Variants in GULP1 observed in about 807,000 individuals in gnomAD.
GULP1 encodes PTB domain-containing engulfment adapter protein 1.
GULP1 carries 19 observed loss-of-function variants against 40.9 expected under a neutral mutation model. That is an observed-to-expected ratio of 0.46 (90% CI 0.32 to 0.68). The LOEUF (loss-of-function observed/expected upper bound fraction) is 0.68. GULP1 is among the 30% of genes least tolerant of loss of function. GULP1 has a pLI of 0.03. For missense variants in GULP1, 312 were observed against 362.2 expected (o/e 0.86, Z 1.12); for synonymous variants, 119 against 117.6 (o/e 1.01, Z -0.08).
rs1421562441 is a variant in GULP1, at chr2:188,507,475, A to G, written c.91-15281A>G. ...CAAACATAATTTTGAAATTTGTACT[A>G]GGTTAGCCCTGAAATGAGATGGAAT... is the stretch of plus-strand genomic sequence containing the variant. On this transcript the variant is annotated intron_variant, in intron 4 of 11. Transcript: ENST00000409830. Among the ~76,000 whole-genome samples, 12 of 146,734 alleles carry G rather than the reference A, an allele frequency of 8.2e-5. No homozygotes were observed. The East Asian group carries it at 2.2e-3, about 27-fold the overall frequency.
intron 6 of GULP1, among the ~76,000 whole-genome samples, chr2:188,538,364 G>C (rs182879769): frequency 2.0e-5 from 3 of 151,972 alleles, no homozygotes; most frequent in African/African-American, 4.8e-5. Context: ...TCTATTCCCA[G>C]AAGTGAGTTT....
chr2:188,454,130 G>C (rs918759314), intron 2 of GULP1, among the ~76,000 whole-genome samples: 1 of 152,156 alleles, frequency 6.6e-6, no homozygotes, highest in African/African-American at 2.4e-5. Flanking sequence ...CCCCTGTTTG[G>C]CTGCTCCCAA....
chr2:188,469,111 G>A (rs1356091195), intron 2 of GULP1, among the ~76,000 whole-genome samples: 3 of 152,154 alleles, frequency 2.0e-5, no homozygotes, highest in East Asian at 1.9e-4. Flanking sequence ...AGGGGCCTAC[G>A]GGAAGGCGTA....
intron 2 of GULP1, among the ~76,000 whole-genome samples, chr2:188,437,852 T>G (rs2057555151): frequency 6.6e-6 from 1 of 152,060 alleles, no homozygotes; most frequent in Non-Finnish European, 1.5e-5. Context: ...TATTCTCACT[T>G]ATAAGTAGAA....
At chr2:188,524,318 T>C (rs535819658) in intron 5 of GULP1, among the ~76,000 whole-genome samples, 6 of 152,282 alleles carry the variant, frequency 3.9e-5, no homozygotes, top group Non-Finnish European at 8.8e-5. Context: ...TGCAGGATTT[T>C]GTATGTATTT....
rs571924120 is a variant in GULP1 at position 188,569,370 on chromosome 2, C to T, written c.516+15C>T. On this transcript the variant is annotated intron_variant, in intron 8 of 11. Transcript: ENST00000409830. ...TACAAAAAAGAGTGAGTAAACTAAG[C>T]TTGTTGTTTTACATTTGTGTGATGT... 3 of 1,213,934 alleles carry T rather than the reference C, an allele frequency of 2.5e-6. No homozygotes were observed. The African/African-American group carries it at 4.5e-5, about 18-fold the overall frequency. 75.2% of individuals were successfully genotyped at this position (1,213,934 alleles called of 1,614,324 possible). A position where few individuals can be genotyped will look rare whatever the true frequency, so the allele number is the denominator to read the frequency against.
At chr2:188,526,699 T>C (rs187968612) in intron 5 of GULP1, among the ~76,000 whole-genome samples, 1 of 152,234 alleles carries the variant, frequency 6.6e-6, no homozygotes, top group Non-Finnish European at 1.5e-5. Flanking sequence ...TGTTCAAAAA[T>C]CAAGGCCAAT....
At chr2:188,477,882 A>G (rs1174347101) in intron 3 of GULP1, 152 bp downstream of exon 3, 1 of 605,936 alleles carries the variant, frequency 1.7e-6, no homozygotes. Flanking sequence ...AAACGTTGCT[A>G]ATTAGCTTTC....
At position 188,594,075 on chromosome 2, in the gene GULP1, A is replaced by T; in HGVS notation, c.*64A>T. 1 of 861,994 alleles carries T rather than the reference A, an allele frequency of 1.2e-6. No homozygotes were observed. 53.4% of individuals were successfully genotyped at this position (861,994 alleles called of 1,614,324 possible). The stretch of plus-strand genomic sequence containing the variant: ...TTGTATACACATGTCATTTATTATT[A>T]TTACTTTAAGATAGGTATTATTCAT... On this transcript the variant is annotated 3_prime_UTR_variant, in exon 12 of 12. Coordinates refer to ENST00000409830, the MANE Select transcript of GULP1 (RefSeq NM_016315.4).
rs187456925 is a variant in GULP1 at position 188,553,327 on chromosome 2, A to G, written c.399+12009A>G. ...ACATTAAGTGTGGATTTGTTATTTT[A>G]TGGTATGTTTCTTCTGTGCCTGGTT... is the stretch of plus-strand genomic sequence containing the variant. On this transcript the variant is annotated intron_variant, in intron 7 of 11. Coordinates refer to ENST00000409830, the MANE Select transcript of GULP1 (RefSeq NM_016315.4). Among the ~76,000 whole-genome samples, 208 of 151,694 alleles carry G rather than the reference A, an allele frequency of 1.4e-3. 1 individual carries two copies. Among genetic ancestry groups the G allele is most frequent in the Non-Finnish European group, 1.9e-3 (127 of 67,618 alleles).
At chr2:188,389,856 C>T (rs373588435) in intron 2 of GULP1, among the ~76,000 whole-genome samples, 2 of 151,988 alleles carry the variant, frequency 1.3e-5, no homozygotes, top group African/African-American at 4.8e-5. Context: ...CTTAGCCAAG[C>T]GAGAACATGT....
At chr2:188,566,794 CAAAAAA>C (rs11350294) in intron 7 of GULP1, among the ~76,000 whole-genome samples, 3 of 26,912 alleles carry the variant, frequency 1.1e-4, no homozygotes, top group Admixed American at 6.0e-4. Context: ...GACTCCATCT[CAAAAAA>C]AAAAAAAAAA....
At chr2:188,499,112 T>C (rs2063173257) in intron 4 of GULP1, among the ~76,000 whole-genome samples, 1 of 137,604 alleles carries the variant, frequency 7.3e-6, no homozygotes, top group Admixed American at 8.0e-5. Flanking sequence ...TATATACATA[T>C]ACAAATGCAC....
intron 4 of GULP1, among the ~76,000 whole-genome samples, chr2:188,511,919 G>C (rs1434897963): frequency 1.3e-5 from 2 of 152,014 alleles, no homozygotes; most frequent in Non-Finnish European, 2.9e-5. Context: ...ATAACCTTTT[G>C]TTGGTGTATC....
intron 6 of GULP1, among the ~76,000 whole-genome samples, chr2:188,533,975 A>G (rs1688240902): frequency 6.6e-6 from 1 of 152,196 alleles, no homozygotes; most frequent in Non-Finnish European, 1.5e-5. Flanking sequence ...AAAGTTCAAA[A>G]ATAACAGATG....
intron 9 of GULP1, among the ~76,000 whole-genome samples, chr2:188,571,781 A>G (rs1330338795): frequency 6.6e-6 from 1 of 152,244 alleles, no homozygotes; most frequent in Non-Finnish European, 1.5e-5. Context: ...GAATAAATGT[A>G]CTTCATTTAT....
At chr2:188,557,184 C>T (rs1239416169) in intron 7 of GULP1, among the ~76,000 whole-genome samples, 1 of 152,186 alleles carries the variant, frequency 6.6e-6, no homozygotes, top group African/African-American at 2.4e-5. Context: ...ATATCCTTTT[C>T]ACATTGCAAA....
intron 2 of GULP1, among the ~76,000 whole-genome samples, chr2:188,421,332 A>G (rs569206560): frequency 6.6e-6 from 1 of 152,302 alleles, no homozygotes; most frequent in Non-Finnish European, 1.5e-5. Context: ...TTTTATATAT[A>G]TGAATTGAAA....
At chr2:188,488,247 C>T (rs1457401856) in intron 4 of GULP1, among the ~76,000 whole-genome samples, 1 of 152,050 alleles carries the variant, frequency 6.6e-6, no homozygotes, top group African/African-American at 2.4e-5. Context: ...ATAGTTGCTG[C>T]ATCCTATTAC....
Sources: allele counts gnomAD v4.1 joint callset (sites outside exome capture counted in the v4.1 genomes callset), GRCh38; gene constraint gnomAD v4.1.1; transcripts MANE v1.5; gene names NCBI Gene and HGNC (gene_info 2026-07-23, HGNC 2026-07-21).